The following POLR3H variants were observed in gnomAD, a reference collection of about 807,000 sequenced individuals.
POLR3H encodes the protein DNA-directed RNA polymerase III subunit RPC8.
Under a neutral mutation model 25.5 loss-of-function variants are expected in POLR3H, and 17 were observed. That is an observed-to-expected ratio of 0.67 (90% CI 0.46 to 1.00). POLR3H has a LOEUF of 1.00. Ranked by LOEUF, POLR3H falls within the 50% of genes least tolerant of loss-of-function variation. POLR3H has a pLI of 0.00. For missense variants in POLR3H, 274 were observed against 265.0 expected, an observed-to-expected ratio of 1.03 and a Z score of -0.24; for synonymous variants, 129 against 103.0, an observed-to-expected ratio of 1.25 and a Z score of -1.53.
intron 2 of POLR3H, 115 bp downstream of exon 2, chr22:41,540,584 C>T (rs2066912757): frequency 1.3e-6 from 1 of 799,130 alleles, no homozygotes; most frequent in East Asian, 2.5e-5. Flanking sequence ...CTCAAGAGAT[C>T]CTTCCGCCCT....
chr22:41,526,197 A>C lies in POLR3H; in HGVS notation c.*3086T>G. 1.3e-6 allele frequency: 2 copies of C among 1,486,000 alleles called. No individual in the cohort carries two copies. The highest frequency in any genetic ancestry group is 1.8e-6 in the Non-Finnish European group (2 of 1,087,778). 92.1% of individuals were successfully genotyped at this position (1,486,000 alleles called of 1,614,324 possible). The stretch of plus-strand genomic sequence containing the variant: ...CCCGGGGCCTGCTGCCTGCCTCTGG[A>C]GGGCTTGTCATCCACCCCTCCAGGG... On this transcript the variant is annotated 3_prime_UTR_variant, in exon 6 of 6. Transcript: ENST00000355209.
At position 41,527,796 on chromosome 22, in the gene POLR3H, A is replaced by C. The variant is rs945176259; in HGVS notation, c.*1487T>G. On this transcript the variant is annotated 3_prime_UTR_variant, in exon 6 of 6. Transcript: ENST00000355209. ...ATAGTCACTGCCCGGGCATTGTCCCAGGCAGCAGGATTAGGGGCATCTCCC... is the reference window on the plus strand; with the variant it reads ...ATAGTCACTGCCCGGGCATTGTCCCCGGCAGCAGGATTAGGGGCATCTCCC... 2 of 1,557,766 alleles carry C rather than the reference A, an allele frequency of 1.3e-6. No homozygotes were observed. Among genetic ancestry groups the C allele is most frequent in the Non-Finnish European group, 1.7e-6 (2 of 1,146,348 alleles).
intron 5 of POLR3H, 61 bp from the exon 6 acceptor site, chr22:41,529,397 G>A (rs2146163846): frequency 6.8e-7 from 1 of 1,466,596 alleles, no homozygotes. Context: ...AACCTGGACA[G>A]GAGGTGAAGG....
Position 41,528,527 on chromosome 22 carries a change from C to T in POLR3H, c.*756G>A. 4 of 1,613,024 alleles carry T rather than the reference C, an allele frequency of 2.5e-6. No individual in the cohort carries two copies. In the East Asian group the frequency reaches 6.7e-5, roughly 27 times the overall value. On this transcript the variant is annotated 3_prime_UTR_variant, in exon 6 of 6. Transcript: ENST00000355209. ...CCCCAACGGGACCCAGGAGACCATC[C>T]TCCTGAACCACACCTTCAACGAGAC...
chr22:41,532,013 A>T, intron 4 of POLR3H, 81 bp downstream of exon 4: 1 of 1,329,362 alleles, frequency 7.5e-7, no homozygotes, highest in Non-Finnish European at 1.1e-6. Flanking sequence ...CAGGCCCCAA[A>T]GGCCACCCTA....
chr22:41,542,898 G>A (rs935276401), intron 1 of POLR3H, among the ~76,000 whole-genome samples: 1 of 152,126 alleles, frequency 6.6e-6, no homozygotes, highest in Non-Finnish European at 1.5e-5. Flanking sequence ...AGCTACTCAG[G>A]AGGCTGAAGC....
chr22:41,534,927 T>C (rs2066815782), intron 2 of POLR3H, among the ~76,000 whole-genome samples: 1 of 150,560 alleles, frequency 6.6e-6, no homozygotes, highest in Non-Finnish European at 1.5e-5. Flanking sequence ...TGGAATTAGA[T>C]AGTGGTGATG....
At chr22:41,542,989 G>A (rs2066952060) in intron 1 of POLR3H, among the ~76,000 whole-genome samples, 1 of 151,928 alleles carries the variant, frequency 6.6e-6, no homozygotes, top group Non-Finnish European at 1.5e-5. Flanking sequence ...GGCGACAAGA[G>A]CGGCACTCTT....
chr22:41,529,510 C>G (rs983081558), intron 5 of POLR3H, among the ~76,000 whole-genome samples, 174 bp from the exon 6 acceptor site: 2 of 152,192 alleles, frequency 1.3e-5, no homozygotes, highest in African/African-American at 4.8e-5. Flanking sequence ...AACGGGCACG[C>G]AGCACGCAGG....
chr22:41,537,637 C>G (rs1468100401), intron 2 of POLR3H, among the ~76,000 whole-genome samples: 1 of 152,154 alleles, frequency 6.6e-6, no homozygotes, highest in Admixed American at 6.6e-5. Context: ...GAGGTACCCG[C>G]CCAAGGTCCC....
rs1350706384 is a variant in POLR3H, at chr22:41,527,175, C to T, written c.*2108G>A. ...GGAAGGGCCCCTCCAGCCCCTTTAC[C>T]GGGAGCCTCAGGATGCCCAGGCGCC... On this transcript the variant is annotated 3_prime_UTR_variant, in exon 6 of 6. Transcript: ENST00000355209. 36 of 1,523,252 alleles carry T rather than the reference C, an allele frequency of 2.4e-5. No individual in the cohort carries two copies. Among genetic ancestry groups the T allele is most frequent in the Middle Eastern group, 1.8e-4 (1 of 5,648 alleles). 94.4% of individuals were successfully genotyped at this position (1,523,252 alleles called of 1,614,324 possible).
intron 1 of POLR3H, among the ~76,000 whole-genome samples, chr22:41,543,416 G>C (rs1330839332): frequency 6.6e-6 from 1 of 152,042 alleles, no homozygotes. Flanking sequence ...TCAAGAGATC[G>C]AGACCATCCT....
At position 41,528,286 on chromosome 22, in the gene POLR3H, C is replaced by T. The variant is rs2066646396; in HGVS notation, c.*997G>A. 1.1e-6 allele frequency: 1 copy of T among 887,860 alleles called. No homozygotes were observed. Among genetic ancestry groups the T allele is most frequent in the Non-Finnish European group, 1.7e-6 (1 of 597,668 alleles). 55.0% of individuals were successfully genotyped at this position (887,860 alleles called of 1,614,324 possible). ...GGGACAGCCCACCCACTGCAGGACCCTCTGGGCCCCAGGAATCCCCTGTAG... is the reference window on the plus strand; with the variant it reads ...GGGACAGCCCACCCACTGCAGGACCTTCTGGGCCCCAGGAATCCCCTGTAG... On this transcript the variant is annotated 3_prime_UTR_variant, in exon 6 of 6. Transcript: ENST00000355209.
chr22:41,526,172 C>T lies in POLR3H; in HGVS notation c.*3111G>A. On this transcript the variant is annotated 3_prime_UTR_variant, in exon 6 of 6. Coordinates refer to ENST00000355209, the MANE Select transcript of POLR3H (RefSeq NM_001018050.4). ...CACCCCTCTGTCACCCCTCCTGGGC[C>T]CCGGGGCCTGCTGCCTGCCTCTGGA... is the stretch of plus-strand genomic sequence containing the variant. 1 of 1,239,124 alleles carries T rather than the reference C, an allele frequency of 8.1e-7. No homozygotes were observed. Among genetic ancestry groups the T allele is most frequent in the Non-Finnish European group, 1.1e-6 (1 of 879,594 alleles). 76.8% of individuals were successfully genotyped at this position (1,239,124 alleles called of 1,614,324 possible).
At chr22:41,541,099 G>A (rs2066922070) in intron 1 of POLR3H, among the ~76,000 whole-genome samples, 1 of 152,184 alleles carries the variant, frequency 6.6e-6, no homozygotes, top group Non-Finnish European at 1.5e-5. Context: ...ATCTGCAAAT[G>A]TGAAATACCA....
rs1043447527 is a variant in POLR3H, at chr22:41,526,175, G to A, written c.*3108C>T. On this transcript the variant is annotated 3_prime_UTR_variant, in exon 6 of 6. Transcript: ENST00000355209. ...CCCTCTGTCACCCCTCCTGGGCCCCGGGGCCTGCTGCCTGCCTCTGGAGGG... is the reference window on the plus strand; with the variant it reads ...CCCTCTGTCACCCCTCCTGGGCCCCAGGGCCTGCTGCCTGCCTCTGGAGGG... The A allele has an allele frequency of 1.0e-4, 132 of 1,271,642 alleles. No homozygotes were observed. The Admixed American group carries it at 1.2e-3, about 12-fold the overall frequency. The allele number at this position is 1,271,642 out of a possible 1,614,324, so 78.8% of individuals were successfully genotyped here. A position where few individuals can be genotyped will look rare whatever the true frequency, so the allele number is the denominator to read the frequency against.
chr22:41,526,038 T>G lies in POLR3H; in HGVS notation c.*3245A>C. Reference sequence around the variant, plus strand: ...GCGGCCTCTGCCCCATAAGGGAGACTGAGCAGCCAGAGGCCTTTGAGGGGA... The same window carrying G: ...GCGGCCTCTGCCCCATAAGGGAGACGGAGCAGCCAGAGGCCTTTGAGGGGA... On this transcript the variant is annotated 3_prime_UTR_variant, in exon 6 of 6. Coordinates refer to ENST00000355209, the MANE Select transcript of POLR3H (RefSeq NM_001018050.4). The G allele has an allele frequency of 2.0e-6, 1 of 496,836 alleles. No individual in the cohort carries two copies. Among genetic ancestry groups the G allele is most frequent in the Non-Finnish European group, 3.6e-6 (1 of 278,288 alleles). 30.8% of individuals were successfully genotyped at this position (496,836 alleles called of 1,614,324 possible).
At chr22:41,533,763 G>C (rs1220651439) in intron 2 of POLR3H, 1 of 1,272,586 alleles carries the variant, frequency 7.9e-7, no homozygotes. Context: ...CCAGAGAGCA[G>C]ATGAGGGCGG....
At chr22:41,532,235 C>A in intron 3 of POLR3H, 78 bp from the exon 4 acceptor site, 1 of 1,423,932 alleles carries the variant, frequency 7.0e-7, no homozygotes. Context: ...TTATGCTTGA[C>A]AGGCAAGCCC....
Sources: gnomAD v4.1 joint callset for allele counts (sites outside exome capture counted in the v4.1 genomes callset) on GRCh38, gnomAD v4.1.1 for gene constraint, MANE v1.5 for transcripts, NCBI Gene and HGNC (gene_info 2026-07-23, HGNC 2026-07-21) for gene names.